The following LRRC7 variants were observed in gnomAD, a reference collection of about 807,000 sequenced individuals.
LRRC7 encodes the protein leucine-rich repeat-containing protein 7.
Under a neutral mutation model 175.7 loss-of-function variants are expected in LRRC7, and 23 were observed. The ratio of observed to expected loss-of-function variants is 0.13; its 90% CI spans 0.09 to 0.19. The LOEUF (loss-of-function observed/expected upper bound fraction) is 0.19, where lower values mean the gene tolerates loss of function less well. Among genes scored for constraint, LRRC7 ranks in the 10% least tolerant of loss-of-function variants. The pLI is 1.00. For missense variants in LRRC7, 1,354 were observed against 1,904.7 expected (o/e 0.71, Z 5.38); for synonymous variants, 685 against 680.9 (o/e 1.01, Z -0.09).
intron 1 of LRRC7, among the ~76,000 whole-genome samples, chr1:69,644,221 TCTAAC>T (rs1654657848): frequency 6.8e-6 from 1 of 146,380 alleles, no homozygotes; most frequent in Non-Finnish European, 1.5e-5. Flanking sequence ...ACTAATTTCC[TCTAAC>T]CTTTTTCAAT....
intron 10 of LRRC7, among the ~76,000 whole-genome samples, chr1:69,987,518 T>C (rs1223186704): frequency 6.6e-6 from 1 of 152,250 alleles, no homozygotes; most frequent in Admixed American, 6.5e-5. Context: ...CCTTCGTGGA[T>C]GCTGCAGATC....
chr1:69,868,935 A>ATC (rs973168058), intron 7 of LRRC7, among the ~76,000 whole-genome samples: 3 of 151,274 alleles, frequency 2.0e-5, no homozygotes, highest in African/African-American at 4.9e-5. Flanking sequence ...ATATATATAT[A>ATC]TATCTTAATC....
chr1:69,975,762 A>G lies in LRRC7; in HGVS notation c.712-4617A>G, dbSNP rs566039998. Among the ~76,000 whole-genome samples the G allele has an allele frequency of 3.9e-5, 6 of 152,208 alleles. No homozygotes were observed. The South Asian group carries it at 8.3e-4, about 21-fold the overall frequency. ...TACCAGCCCTCCTTCCACCATGCCA[A>G]CTTACACCCATACCATCCCTGCAGT... On this transcript the variant is annotated intron_variant, in intron 8 of 26. Coordinates refer to ENST00000651989, the MANE Select transcript of LRRC7 (RefSeq NM_001370785.2).
At chr1:69,781,696 A>G (rs1388998107) in intron 3 of LRRC7, among the ~76,000 whole-genome samples, 6 of 25,854 alleles carry the variant, frequency 2.3e-4, no homozygotes, top group Admixed American at 4.9e-4. Context: ...AAGAAGAAAG[A>G]AAGAAAGAAA....
intron 1 of LRRC7, among the ~76,000 whole-genome samples, chr1:69,601,641 T>C (rs2487764): frequency 0.15 from 23,036 of 152,192 alleles, 1,922 homozygotes; most frequent in Admixed American, 0.19. Flanking sequence ...AATTTAACAA[T>C]TTAATCTTTG....
At chr1:69,663,043 C>G (rs887140425) in intron 1 of LRRC7, among the ~76,000 whole-genome samples, 4 of 152,020 alleles carry the variant, frequency 2.6e-5, no homozygotes, top group Non-Finnish European at 5.9e-5. Flanking sequence ...TTTTTTTTCC[C>G]TGGGCAGGAC....
intron 22 of LRRC7, among the ~76,000 whole-genome samples, chr1:70,048,498 A>T (rs1660505499): frequency 6.6e-6 from 1 of 152,114 alleles, no homozygotes; most frequent in Admixed American, 6.6e-5. Context: ...TTTCTACTCT[A>T]TGATGATGCT....
intron 1 of LRRC7, among the ~76,000 whole-genome samples, chr1:69,606,420 T>G (rs1037286569): frequency 6.6e-6 from 1 of 151,528 alleles, no homozygotes; most frequent in Admixed American, 6.6e-5. Flanking sequence ...TAATAAAGAG[T>G]TTTTAAAAAT....
At chr1:69,669,059 T>G (rs940096762) in intron 1 of LRRC7, among the ~76,000 whole-genome samples, 27 of 152,348 alleles carry the variant, frequency 1.8e-4, no homozygotes, top group Middle Eastern at 3.4e-3. Flanking sequence ...TATGGTTTTT[T>G]TCATTGGTCC....
At chr1:70,056,289 A>G (rs1283172696) in intron 23 of LRRC7, among the ~76,000 whole-genome samples, 1 of 152,214 alleles carries the variant, frequency 6.6e-6, no homozygotes, top group Admixed American at 6.5e-5. Context: ...CATGTACAGT[A>G]CATAGGAAGA....
chr1:69,923,388 G>A (rs1363986518), intron 7 of LRRC7, among the ~76,000 whole-genome samples: 56 of 152,160 alleles, frequency 3.7e-4, no homozygotes, highest in African/African-American at 8.7e-4. Context: ...CTGAGGAATC[G>A]CCACACTGAC....
chr1:69,660,170 A>G (rs1367816167), intron 1 of LRRC7, among the ~76,000 whole-genome samples: 2 of 152,096 alleles, frequency 1.3e-5, no homozygotes, highest in Non-Finnish European at 1.5e-5. Flanking sequence ...ATTATCAGAT[A>G]AGCAGATTTT....
At chr1:69,581,707 GT>G (rs1387477775) in intron 1 of LRRC7, among the ~76,000 whole-genome samples, 1 of 152,044 alleles carries the variant, frequency 6.6e-6, no homozygotes. Flanking sequence ...TAAGAAAAAA[GT>G]TTTTAAATAT....
chr1:69,926,732 G>A (rs537597821), intron 7 of LRRC7, among the ~76,000 whole-genome samples: 8 of 152,108 alleles, frequency 5.3e-5, no homozygotes, highest in Admixed American at 2.0e-4. Context: ...CCTGAATACA[G>A]CACACTGATG....
At chr1:69,785,089 C>T (rs996970622) in intron 3 of LRRC7, among the ~76,000 whole-genome samples, 9 of 152,036 alleles carry the variant, frequency 5.9e-5, no homozygotes, top group African/African-American at 2.2e-4. Context: ...GCCATTAGTT[C>T]TTCTATAGCT....
At chr1:70,081,862 CA>C (rs1487571453) in intron 24 of LRRC7, among the ~76,000 whole-genome samples, 1 of 152,162 alleles carries the variant, frequency 6.6e-6, no homozygotes, top group Non-Finnish European at 1.5e-5. Flanking sequence ...TGCAAGTATA[CA>C]TGCAAATTAA....
At chr1:69,969,565 C>T (rs1036119782) in intron 8 of LRRC7, among the ~76,000 whole-genome samples, 2 of 152,002 alleles carry the variant, frequency 1.3e-5, no homozygotes, top group East Asian at 1.9e-4. Flanking sequence ...AGGCCTTGTC[C>T]AACATGAAAA....
chr1:69,709,096 G>A (rs1664427179), intron 2 of LRRC7, among the ~76,000 whole-genome samples: 1 of 152,208 alleles, frequency 6.6e-6, no homozygotes. Flanking sequence ...GTAACTATTT[G>A]ATTAGTGTCT....
chr1:69,920,885 T>C lies in LRRC7; in HGVS notation c.648-10622T>C, dbSNP rs867828289. On this transcript the variant is annotated intron_variant, in intron 7 of 26. Transcript: ENST00000651989. ...GTTTGTTGGGTACGTGGTCTCAGAG[T>C]AAGGTTTGAGAGAATCTGCCACTCC... Among the ~76,000 whole-genome samples, 63 of 152,240 alleles carry C rather than the reference T, an allele frequency of 4.1e-4. 1 individual carries two copies. The highest frequency in any genetic ancestry group is 1.6e-4 in the Non-Finnish European group (11 of 68,022).
Sources: allele counts gnomAD v4.1 joint callset (sites outside exome capture counted in the v4.1 genomes callset), GRCh38; gene constraint gnomAD v4.1.1; transcripts MANE v1.5; gene names NCBI Gene and HGNC (gene_info 2026-07-23, HGNC 2026-07-21).